The following C15orf39 variants were observed in gnomAD, a reference collection of about 807,000 sequenced individuals.
C15orf39 encodes the protein uncharacterized protein C15orf39.
Under a neutral mutation model 53.9 loss-of-function variants are expected in C15orf39, and 24 were observed. The observed-to-expected ratio is 0.45, with a 90% CI of 0.32 to 0.63. The LOEUF is 0.63. Among genes scored for constraint, C15orf39 ranks in the 20% least tolerant of loss-of-function variants. The pLI, the probability that C15orf39 is intolerant of heterozygous loss-of-function variation, is 0.04. For synonymous variants in C15orf39, 569 were observed against 576.5 expected, an observed-to-expected ratio of 0.99 and a Z score of 0.19; for missense variants, 1,271 against 1,347.9, an observed-to-expected ratio of 0.94 and a Z score of 0.89.
rs2070438308 is a variant in C15orf39 at position 75,206,381 on chromosome 15, G to A, written c.333G>A (p.Glu111=). The part of the protein sequence containing the change: ...PEKMQDSSPV[E]LLPFSPQAHS... Reference sequence around the variant, plus strand: ...AGATGCAGGACTCCAGCCCTGTTGAGCTCCTGCCCTTCAGTCCCCAGGCTC... The same window carrying A: ...AGATGCAGGACTCCAGCCCTGTTGAACTCCTGCCCTTCAGTCCCCAGGCTC... Residue 111 remains glutamate, a synonymous_variant, in exon 2 of 3, where the codon GAG becomes GAA. Coordinates refer to ENST00000394987, the MANE Select transcript of C15orf39 (RefSeq NM_015492.5). 1.9e-6 allele frequency: 3 copies of A among 1,613,998 alleles called. No homozygotes were observed. The East Asian group carries it at 6.7e-5, about 36-fold the overall frequency.
rs2070450064 is a variant in C15orf39, at chr15:75,207,554, C to T, written c.1506C>T (p.Val502=). The T allele has an allele frequency of 1.2e-6, 2 of 1,613,494 alleles. No homozygotes were observed. The highest frequency in any genetic ancestry group is 1.7e-6 in the Non-Finnish European group (2 of 1,180,004). Reference sequence around the variant, plus strand: ...CACCCAGCTCTCCACCAATGCCTGTCATTGACAATGTCTTCAGCCTGGCCC... The same window carrying T: ...CACCCAGCTCTCCACCAATGCCTGTTATTGACAATGTCTTCAGCCTGGCCC... ...ARPPSSPPMP[V]IDNVFSLAPY... The change falls in exon 2 of 3, where the codon GTC becomes GTT. Residue 502 remains valine (V), a synonymous_variant. Transcript: ENST00000394987.
chr15:75,200,118 T>C (rs8039284), upstream of C15orf39, among the ~76,000 whole-genome samples: 149,698 of 152,322 alleles, frequency 0.98, 73,670 homozygotes, highest in Non-Finnish European at 1. Context: ...CTCACTGCTC[T>C]CTTTTTGCAA....
chr15:75,206,199 C>G lies in C15orf39; in HGVS notation c.151C>G (p.Pro51Ala), dbSNP rs984633259. 1.2e-6 allele frequency: 2 copies of G among 1,614,094 alleles called. No homozygotes were observed. Among genetic ancestry groups the G allele is most frequent in the Non-Finnish European group, 8.5e-7 (1 of 1,179,984 alleles). ...CTACAAGGGGTCCTACTTCTCCTGC[C>G]CCATGGCAGGTACTCCTAAGGCCGA... ...CTYKGSYFSC[P>A]MAGTPKAESE... is the part of the protein sequence containing the mutation. Residue 51 changes from proline (P) to alanine (A), a missense_variant, in exon 2 of 3, where the codon CCC becomes GCC. Physicochemically the swap from Pro to Ala is conservative, Grantham distance 27. This residue lies in a region of C15orf39 where 994 missense variants were observed against 993.7 expected (regional missense o/e 1.00). Transcript: ENST00000394987.
At chr15:75,203,158 C>T (rs2070416591) in intron 1 of C15orf39, among the ~76,000 whole-genome samples, 2 of 152,256 alleles carry the variant, frequency 1.3e-5, no homozygotes. Context: ...GAATCGCGCT[C>T]TTCTTCCTGG....
chr15:75,207,663 G>C lies in C15orf39; in HGVS notation c.1615G>C (p.Ala539Pro), dbSNP rs752548031. 2 of 1,611,434 alleles carry C rather than the reference G, an allele frequency of 1.2e-6. No individual in the cohort carries two copies. Among genetic ancestry groups the C allele is most frequent in the East Asian group, 2.2e-5 (1 of 44,864 alleles). The change falls in exon 2 of 3, where the codon GCC (alanine) becomes CCC (proline). Residue 539 changes from alanine (A) to proline (P), a missense_variant. By Grantham distance (27) the Ala-to-Pro change is conservative. Transcript: ENST00000394987. ...CACAGCTGAGCCTGACTCAGCCCCA[G>C]CCACCAGTGAAGGTCAGGACAAAGG... ...SATAEPDSAPATSEGQDKGCR... is the reference protein window; with the variant it reads ...SATAEPDSAPPTSEGQDKGCR...
In C15orf39 at chr15:75,201,926, T is replaced by C. The variant is rs955805953; in HGVS notation, c.-184T>C. The stretch of plus-strand genomic sequence containing the variant: ...CGCGAACGGCAGCTAGGAGGGTTGC[T>C]CCGGGCTTGGTGCTCACTGCGACTT... On this transcript the variant is annotated 5_prime_UTR_variant, in exon 1 of 3. Transcript: ENST00000394987. The surrounding 1 kb of genome is among the most constrained non-coding windows in gnomAD (Gnocchi z 4.7). 2.6e-5 allele frequency: 4 copies of C among 151,838 alleles called. No individual in the cohort carries two copies. Among genetic ancestry groups the C allele is most frequent in the African/African-American group, 9.7e-5 (4 of 41,388 alleles). The allele number at this position is 151,838 out of a possible 1,614,324, so 9.4% of individuals were successfully genotyped here.
In C15orf39 at chr15:75,208,500, C is replaced by T. The variant is rs1473049937; in HGVS notation, c.2452C>T (p.Leu818=). 6.3e-7 allele frequency: 1 copy of T among 1,593,074 alleles called. No individual in the cohort carries two copies. The highest frequency in any genetic ancestry group is 2.3e-5 in the East Asian group (1 of 44,146). ...CQGVQGLLAK[L]LSQLQRFDRT... ...GGGTGTGCAGGGGCTGCTGGCCAAG[C>T]TGCTGTCTCAGCTGCAGCGCTTCGA... Residue 818 remains leucine (L), a synonymous_variant, in exon 2 of 3, where the codon CTG becomes TTG. Coordinates refer to ENST00000394987, the MANE Select transcript of C15orf39 (RefSeq NM_015492.5).
At chr15:75,199,023 A>T (rs946215662), upstream of C15orf39, 6 of 152,198 alleles carry the variant, frequency 3.9e-5, no homozygotes, top group African/African-American at 1.4e-4. Context: ...CTGCCTCCAG[A>T]CCTTATTCTC....
upstream of C15orf39, among the ~76,000 whole-genome samples, chr15:75,200,944 G>A (rs1466010366): frequency 6.6e-6 from 1 of 151,820 alleles, no homozygotes; most frequent in Non-Finnish European, 1.5e-5. Flanking sequence ...CCTCAGGCCT[G>A]CTCTGCTCTG....
intron 1 of C15orf39, among the ~76,000 whole-genome samples, chr15:75,205,401 CAAG>C (rs1383915601): frequency 3.9e-5 from 6 of 152,048 alleles, no homozygotes; most frequent in Middle Eastern, 3.2e-3. Flanking sequence ...TCTGAAATCC[CAAG>C]AAGGAGGGGA....
Position 75,201,915 on chromosome 15 carries a change from A to G in C15orf39, c.-195A>G, listed in dbSNP as rs902745553. 2.0e-5 allele frequency: 3 copies of G among 151,762 alleles called. No individual in the cohort carries two copies. Among genetic ancestry groups the G allele is most frequent in the Admixed American group, 6.6e-5 (1 of 15,244 alleles). The allele number at this position is 151,762 out of a possible 1,614,324, so 9.4% of individuals were successfully genotyped here. A position where few individuals can be genotyped will look rare whatever the true frequency, so the allele number is the denominator to read the frequency against. ...CCCAGCGGCGGCGCGAACGGCAGCT[A>G]GGAGGGTTGCTCCGGGCTTGGTGCT... is the stretch of plus-strand genomic sequence containing the variant. On this transcript the variant is annotated 5_prime_UTR_variant, in exon 1 of 3. Transcript: ENST00000394987. The surrounding 1 kb of genome is among the most constrained non-coding windows in gnomAD (Gnocchi z 4.7).
Position 75,210,729 on chromosome 15 carries a change from A to G in C15orf39, c.2777-20A>G. ...CTGAGGGTATGGGGTCTGCAGGCTG[A>G]CTATGTGTTCGTTTTCCAGGTGACT... On this transcript the variant is annotated intron_variant, in intron 2 of 2. Coordinates refer to ENST00000394987, the MANE Select transcript of C15orf39 (RefSeq NM_015492.5). 1 of 1,587,736 alleles carries G rather than the reference A, an allele frequency of 6.3e-7. No individual in the cohort carries two copies. Among genetic ancestry groups the G allele is most frequent in the Non-Finnish European group, 8.6e-7 (1 of 1,163,256 alleles).
Position 75,208,012 on chromosome 15 carries a change from A to G in C15orf39, c.1964A>G (p.Lys655Arg), listed in dbSNP as rs1412225415. Reference protein sequence around the residue: ...SSVAFMFRKFKILRPAPLPAA... With the variant: ...SSVAFMFRKFRILRPAPLPAA... Reference sequence around the variant, plus strand: ...GTGGCCTTCATGTTCCGAAAGTTCAAGATCCTCCGTCCGGCACCTTTGCCT... The same window carrying G: ...GTGGCCTTCATGTTCCGAAAGTTCAGGATCCTCCGTCCGGCACCTTTGCCT... The change falls in exon 2 of 3, where the codon AAG becomes AGG. Residue 655 changes from lysine to arginine, a missense_variant. Around this residue, in one of 2 missense-constraint regions of C15orf39, gnomAD observed 994 missense variants for 993.7 expected, o/e 1.00. Transcript: ENST00000394987. The G allele has an allele frequency of 1.9e-6, 3 of 1,613,932 alleles. No homozygotes were observed. The highest frequency in any genetic ancestry group is 1.3e-5 in the African/African-American group (1 of 74,926).
chr15:75,202,796 G>A (rs1297760565), intron 1 of C15orf39, among the ~76,000 whole-genome samples: 3 of 152,266 alleles, frequency 2.0e-5, no homozygotes, highest in Admixed American at 2.0e-4. Flanking sequence ...GGGTTTGCAT[G>A]CGTGGCGGCG....
At position 75,207,698 on chromosome 15, in the gene C15orf39, G is replaced by T. The variant is rs368603329; in HGVS notation, c.1650G>T (p.Gly550=). 4 of 1,604,190 alleles carry T rather than the reference G, an allele frequency of 2.5e-6. No homozygotes were observed. The African/African-American group carries it at 5.4e-5, about 21-fold the overall frequency. The part of the protein sequence containing the change: ...TSEGQDKGCR[G]TLPAQEGPSG... ...AAGGTCAGGACAAAGGCTGCAGGGGGACCCTGCCTGCCCAGGAGGGCCCCT... is the reference window on the plus strand; with the variant it reads ...AAGGTCAGGACAAAGGCTGCAGGGGTACCCTGCCTGCCCAGGAGGGCCCCT... Residue 550 remains glycine (G), a synonymous_variant, in exon 2 of 3, where the codon GGG becomes GGT. Transcript: ENST00000394987.
upstream of C15orf39, among the ~76,000 whole-genome samples, chr15:75,201,661 A>T (rs1411901163): frequency 1.3e-5 from 2 of 152,216 alleles, no homozygotes; most frequent in Non-Finnish European, 2.9e-5. The surrounding 1 kb of genome is among the most constrained non-coding windows in gnomAD (Gnocchi z 4.7). Flanking sequence ...GGAGCGACTG[A>T]GGGCGCGTGA....
At chr15:75,205,974 C>T (rs1234450509) in intron 1 of C15orf39, 25 bp from the exon 2 acceptor site, 3 of 1,417,472 alleles carry the variant, frequency 2.1e-6, no homozygotes, top group Admixed American at 2.6e-5. Context: ...TCCTGACAGC[C>T]CCTGCCTTTC....
At chr15:75,203,039 G>A (rs1457016722) in intron 1 of C15orf39, among the ~76,000 whole-genome samples, 1 of 152,244 alleles carries the variant, frequency 6.6e-6, no homozygotes, top group Non-Finnish European at 1.5e-5. Context: ...GGGTTGTAGC[G>A]TCTGGAGAGC....
chr15:75,207,422 T>C lies in C15orf39; in HGVS notation c.1374T>C (p.Ser458=), dbSNP rs749302923. The change falls in exon 2 of 3, where the codon TCT becomes TCC. Residue 458 remains serine, a synonymous_variant. Coordinates refer to ENST00000394987, the MANE Select transcript of C15orf39 (RefSeq NM_015492.5). ...TCCAGCCCCGGCTCAGTGAGCACTC[T>C]GGGCCGCCCATCGTCATCCGAGACA... ...EKLQPRLSEH[S]GPPIVIRDSP... 6.2e-7 allele frequency: 1 copy of C among 1,613,410 alleles called. No homozygotes were observed. The highest frequency in any genetic ancestry group is 1.3e-5 in the African/African-American group (1 of 75,014).
Sources: allele counts gnomAD v4.1 joint callset (sites outside exome capture counted in the v4.1 genomes callset), GRCh38; gene constraint gnomAD v4.1.1; regional missense constraint gnomAD v4.1.1; non-coding constraint Gnocchi (gnomAD v3.1); transcripts MANE v1.5; gene names NCBI Gene and HGNC (gene_info 2026-07-23, HGNC 2026-07-21).